ESRRG: variants seen among roughly 807,000 people sequenced by gnomAD.
ESRRG encodes estrogen-related receptor gamma.
ESRRG carries 13 observed loss-of-function variants against 44.0 expected under a neutral mutation model. That is an observed-to-expected ratio of 0.30 (90% confidence interval 0.19 to 0.47). The LOEUF is 0.47. ESRRG is among the 20% of genes least tolerant of loss of function. The pLI, the probability that ESRRG is intolerant of heterozygous loss-of-function variation, is 1.00. For missense variants in ESRRG, 395 were observed against 580.6 expected, an observed-to-expected ratio of 0.68 and a Z score of 3.29; for synonymous variants, 215 against 214.6, an observed-to-expected ratio of 1.00 and a Z score of -0.02.
chr1:216,978,219 A>G (rs1046906081), intron 1 of ESRRG, among the ~76,000 whole-genome samples: 1 of 152,074 alleles, frequency 6.6e-6, no homozygotes, highest in South Asian at 2.1e-4. Flanking sequence ...CCACCCTCCA[A>G]TGCCTACCTT....
chr1:217,034,327 T>C (rs1374713380), intron 1 of ESRRG, among the ~76,000 whole-genome samples: 1 of 152,242 alleles, frequency 6.6e-6, no homozygotes, highest in Non-Finnish European at 1.5e-5. Flanking sequence ...CGTACCCATA[T>C]AGCCACATTT....
intron 2 of ESRRG, among the ~76,000 whole-genome samples, chr1:216,662,627 G>C (rs572181493): frequency 5.8e-4 from 62 of 106,280 alleles, no homozygotes; most frequent in African/African-American, 2.0e-3. Context: ...CAGGGAGAGT[G>C]GGGGGGTTCC....
At chr1:216,709,768 C>T (rs2083229579) in intron 1 of ESRRG, among the ~76,000 whole-genome samples, 1 of 151,634 alleles carries the variant, frequency 6.6e-6, no homozygotes, top group African/African-American at 2.4e-5. Flanking sequence ...GGTTTGCCGA[C>T]CTTGGTGAAA....
chr1:216,571,287 A>G (rs1000327033), intron 3 of ESRRG, among the ~76,000 whole-genome samples: 5 of 152,178 alleles, frequency 3.3e-5, no homozygotes, highest in Non-Finnish European at 7.3e-5. Flanking sequence ...TACTAAAAAT[A>G]TAAAATTTAG....
At chr1:216,570,725 G>T (rs1319908271) in intron 3 of ESRRG, among the ~76,000 whole-genome samples, 1 of 152,208 alleles carries the variant, frequency 6.6e-6, no homozygotes, top group Non-Finnish European at 1.5e-5. Context: ...GGCAGGCAGA[G>T]AGAGAGAAAC....
chr1:216,763,120 T>G (rs924970486), intron 2 of ESRRG, among the ~76,000 whole-genome samples: 1 of 152,150 alleles, frequency 6.6e-6, no homozygotes, highest in South Asian at 2.1e-4. Context: ...CTATTTACAC[T>G]GGGAAATGGC....
intron 1 of ESRRG, among the ~76,000 whole-genome samples, chr1:217,106,329 G>T (rs1162937965): frequency 2.0e-5 from 3 of 151,828 alleles, no homozygotes; most frequent in Non-Finnish European, 4.4e-5. Flanking sequence ...TCTCTGTTCA[G>T]CCACCATTCG....
chr1:217,038,033 C>T (rs1027341735), intron 1 of ESRRG, among the ~76,000 whole-genome samples: 3 of 152,190 alleles, frequency 2.0e-5, no homozygotes, highest in African/African-American at 7.2e-5. Context: ...GTACAGCCTC[C>T]CTCCAGGCTG....
intron 3 of ESRRG, among the ~76,000 whole-genome samples, chr1:216,575,893 T>C (rs768960239): frequency 6.6e-6 from 1 of 152,040 alleles, no homozygotes; most frequent in African/African-American, 2.4e-5. Context: ...TAATGAACAC[T>C]GTTACTCAAA....
chr1:217,103,708 G>A (rs1433118251), intron 1 of ESRRG, among the ~76,000 whole-genome samples: 2 of 151,870 alleles, frequency 1.3e-5, no homozygotes, highest in Non-Finnish European at 2.9e-5. Context: ...TTTTTAAAGG[G>A]AATGACATGA....
At chr1:217,035,180 GA>G (rs2082663670) in intron 1 of ESRRG, among the ~76,000 whole-genome samples, 1 of 151,972 alleles carries the variant, frequency 6.6e-6, no homozygotes, top group Admixed American at 6.6e-5. Flanking sequence ...GAATTAAACA[GA>G]TGATGTATAA....
intron 1 of ESRRG, among the ~76,000 whole-genome samples, chr1:217,059,511 C>G (rs890819132): frequency 2.0e-5 from 3 of 151,982 alleles, no homozygotes; most frequent in Admixed American, 6.6e-5. Context: ...ATAGATATGC[C>G]TGAAGAGTCT....
chr1:216,592,972 G>A (rs774563804), intron 3 of ESRRG, among the ~76,000 whole-genome samples: 7 of 152,224 alleles, frequency 4.6e-5, no homozygotes, highest in Non-Finnish European at 8.8e-5. Flanking sequence ...AGGTGAGGCA[G>A]ATTCAATCCA....
At chr1:216,813,526 G>A (rs1223992464) in intron 2 of ESRRG, among the ~76,000 whole-genome samples, 1 of 152,124 alleles carries the variant, frequency 6.6e-6, no homozygotes, top group East Asian at 1.9e-4. Flanking sequence ...ATTCTACATA[G>A]GTTGGGTGAT....
chr1:216,650,780 C>T (rs924658196), intron 3 of ESRRG, among the ~76,000 whole-genome samples, 193 bp downstream of exon 3: 1 of 152,144 alleles, frequency 6.6e-6, no homozygotes, highest in Non-Finnish European at 1.5e-5. Flanking sequence ...CCTACCTTGT[C>T]CCTTCCTGTC....
chr1:217,033,389 T>C (rs1055117446), intron 1 of ESRRG, among the ~76,000 whole-genome samples: 3 of 152,232 alleles, frequency 2.0e-5, no homozygotes, highest in African/African-American at 4.8e-5. Flanking sequence ...ATATTGAAGA[T>C]ATTTTGGGTT....
At chr1:216,792,820 A>G (rs1466114386) in intron 2 of ESRRG, among the ~76,000 whole-genome samples, 3 of 151,702 alleles carry the variant, frequency 2.0e-5, no homozygotes, top group Non-Finnish European at 4.4e-5. Context: ...TTTCGATGCC[A>G]TACCATAGGA....
At chr1:216,831,504 AAG>A (rs1166946915) in intron 2 of ESRRG, among the ~76,000 whole-genome samples, 6 of 148,618 alleles carry the variant, frequency 4.0e-5, no homozygotes, top group African/African-American at 7.4e-5. Context: ...GGAGGAGAAA[AAG>A]AGAGAGAGAG....
chr1:216,693,984 A>C (rs1436424385), intron 1 of ESRRG, among the ~76,000 whole-genome samples: 4 of 152,240 alleles, frequency 2.6e-5, no homozygotes, highest in African/African-American at 9.6e-5. Flanking sequence ...CTGTGAAATA[A>C]AGCATTAAGC....
Sources: allele counts gnomAD v4.1 joint callset (sites outside exome capture counted in the v4.1 genomes callset), GRCh38; gene constraint gnomAD v4.1.1; transcripts MANE v1.5; gene names NCBI Gene and HGNC (gene_info 2026-07-23, HGNC 2026-07-21).